The following TENM1 variants were observed in gnomAD, a reference collection of about 807,000 sequenced individuals.
The protein encoded by TENM1 is teneurin-1.
In TENM1, 35 loss-of-function variants were observed where a neutral mutation model predicts 174.8. The observed-to-expected ratio is 0.20, with a 90% CI of 0.15 to 0.27. The LOEUF (loss-of-function observed/expected upper bound fraction) is 0.27, where lower values mean the gene tolerates loss of function less well. TENM1 is among the 10% of genes least tolerant of loss of function. TENM1 has a pLI of 1.00. For missense variants in TENM1, 1,633 were observed against 2,130.1 expected, an observed-to-expected ratio of 0.77 and a Z score of 4.59; for synonymous variants, 781 against 798.7, an observed-to-expected ratio of 0.98 and a Z score of 0.37.
rs1457545693 is a variant in TENM1, at chrX:124,471,399, A to AC, written c.3949+10332_3949+10333insG. On this transcript the variant is annotated intron_variant, in intron 22 of 31. Transcript: ENST00000422452. The stretch of plus-strand genomic sequence containing the variant: ...TATAATATATAGTACTATATATAAT[A>AC]TATATTATAATATATAGTAATATAT... Among the ~76,000 whole-genome samples the AC allele has an allele frequency of 4.0e-3, 113 of 28,099 alleles. 13 individuals are homozygous for AC. The highest frequency in any genetic ancestry group is 0.014 in the African/African-American group (99 of 7,304). The allele number at this position is 28,099 out of a possible 115,157, so 24.4% of individuals were successfully genotyped here.
At chrX:124,890,563 G>C (rs1318433098) in intron 3 of TENM1, among the ~76,000 whole-genome samples, 2 of 111,872 alleles carry the variant, frequency 1.8e-5, no homozygotes, top group Admixed American at 1.9e-4. Context: ...ATGGCCAACA[G>C]GTATATGACA....
chrX:124,838,227 T>C (rs1422885814), intron 3 of TENM1, among the ~76,000 whole-genome samples: 1 of 112,426 alleles, frequency 8.9e-6, no homozygotes, highest in Non-Finnish European at 1.9e-5. Flanking sequence ...TGCCCTGTAA[T>C]CATAGAAATG....
chrX:125,159,930 T>C, the TENM1 span, among the ~76,000 whole-genome samples: 1 of 111,581 alleles, frequency 9.0e-6, no homozygotes. Flanking sequence ...CAGGGCATGG[T>C]GGCTCACGCC....
At chrX:125,167,772 C>T in the TENM1 span, among the ~76,000 whole-genome samples, 1 of 111,034 alleles carries the variant, frequency 9.0e-6, no homozygotes, top group Admixed American at 9.6e-5. Context: ...TTAAAGCAAA[C>T]ATTAAGTGAT....
chrX:124,382,334 C>T lies in TENM1; in HGVS notation c.7440+336G>A, dbSNP rs189419770. On this transcript the variant is annotated intron_variant, in intron 31 of 31. Transcript: ENST00000422452. The stretch of plus-strand genomic sequence containing the variant: ...TTTACAGTTGGAAATCTGATGTTTT[C>T]GTGTCTCTTACCGAACAATTTTCTC... Among the ~76,000 whole-genome samples the T allele has an allele frequency of 9.6e-3, 1,068 of 111,402 alleles. 12 individuals carry two copies. Among genetic ancestry groups the T allele is most frequent in the African/African-American group, 0.032 (972 of 30,654 alleles).
chrX:124,613,976 T>C (rs1171473343), intron 11 of TENM1, among the ~76,000 whole-genome samples: 2 of 111,812 alleles, frequency 1.8e-5, no homozygotes, highest in African/African-American at 6.5e-5. Flanking sequence ...GCCCTAAGCC[T>C]ACTTTCAGGG....
intron 3 of TENM1, among the ~76,000 whole-genome samples, chrX:124,783,075 G>C (rs1463145997): frequency 1.8e-5 from 2 of 111,417 alleles, no homozygotes; most frequent in African/African-American, 6.5e-5. Flanking sequence ...AGAAAAGTTC[G>C]TTCATAAAAA....
At chrX:124,951,295 C>T (rs2058479708) in intron 1 of TENM1, among the ~76,000 whole-genome samples, 1 of 111,092 alleles carries the variant, frequency 9.0e-6, no homozygotes, top group Admixed American at 9.6e-5. Flanking sequence ...TTTAGGTTCT[C>T]TTCATTTCTA....
At chrX:125,151,910 C>T in the TENM1 span, among the ~76,000 whole-genome samples, 150 of 111,512 alleles carry the variant, frequency 1.3e-3, no homozygotes, top group African/African-American at 3.8e-3. Context: ...GTGAATATAT[C>T]GATACTTCAT....
the TENM1 span, among the ~76,000 whole-genome samples, chrX:125,064,820 G>T: frequency 9.0e-6 from 1 of 110,879 alleles, no homozygotes; most frequent in East Asian, 2.8e-4. Context: ...TGTTAGCCAG[G>T]ATGGTCTCGA....
intron 3 of TENM1, among the ~76,000 whole-genome samples, chrX:124,863,179 T>A (rs1361902188): frequency 9.1e-6 from 1 of 110,058 alleles, no homozygotes; most frequent in Non-Finnish European, 1.9e-5. Flanking sequence ...CAGGTGAGAC[T>A]CAGCACATGA....
At chrX:124,447,328 ACT>A (rs1179042752) in intron 23 of TENM1, among the ~76,000 whole-genome samples, 5 of 109,918 alleles carry the variant, frequency 4.5e-5, no homozygotes, top group African/African-American at 1.7e-4. Flanking sequence ...CTCCTGGTAA[ACT>A]CTCTATCAAC....
At chrX:124,766,404 G>T (rs2054539455) in intron 3 of TENM1, among the ~76,000 whole-genome samples, 1 of 111,591 alleles carries the variant, frequency 9.0e-6, no homozygotes, top group Admixed American at 9.6e-5. Flanking sequence ...ATTTAGTAAA[G>T]ATTTTAATTG....
rs900944071 is a variant in TENM1, at chrX:124,755,508, T to C, written c.536-18311A>G. Among the ~76,000 whole-genome samples the C allele has an allele frequency of 2.5e-3, 276 of 111,052 alleles. 1 individual carries two copies. The highest frequency in any genetic ancestry group is 8.8e-3 in the African/African-American group (268 of 30,378). On this transcript the variant is annotated intron_variant, in intron 3 of 31. Coordinates refer to ENST00000422452, the Ensembl canonical transcript of TENM1. ...TTTACATTTAAAGTTAATATTGTTA[T>C]GTGTGAATTTGATCCTGTCATTATG...
the TENM1 span, among the ~76,000 whole-genome samples, chrX:125,160,561 A>AC: frequency 5.7e-5 from 6 of 105,255 alleles, no homozygotes; most frequent in South Asian, 2.5e-3. Context: ...AAAAAAAAAA[A>AC]AAAAAAAACA....
chrX:124,572,933 T>G (rs190526374), intron 11 of TENM1, among the ~76,000 whole-genome samples: 1 of 111,535 alleles, frequency 9.0e-6, no homozygotes, highest in African/African-American at 3.2e-5. Context: ...ATGTCAATTT[T>G]TCTGTACTAG....
intron 3 of TENM1, among the ~76,000 whole-genome samples, chrX:124,815,039 ATGTAAGCATCAGTAGT>A (rs1318550576): frequency 1.8e-5 from 2 of 111,980 alleles, no homozygotes; most frequent in Non-Finnish European, 3.8e-5. Flanking sequence ...CTGAAAGCAA[ATGTAAGCATCAGTAGT>A]AATGCATAAT....
At chrX:125,037,213 C>A in the TENM1 span, among the ~76,000 whole-genome samples, 1 of 110,271 alleles carries the variant, frequency 9.1e-6, no homozygotes, top group African/African-American at 3.3e-5. Context: ...GTTCCAGCAT[C>A]TGGTCTCTGC....
At chrX:124,761,095 T>C (rs2054400396) in intron 3 of TENM1, among the ~76,000 whole-genome samples, 1 of 111,597 alleles carries the variant, frequency 9.0e-6, no homozygotes, top group African/African-American at 3.3e-5. Context: ...TCACTGTTGG[T>C]GGGAGGGTAA....
Sources: allele counts gnomAD v4.1 joint callset (sites outside exome capture counted in the v4.1 genomes callset), GRCh38; gene constraint gnomAD v4.1.1; transcripts MANE v1.5; gene names NCBI Gene and HGNC (gene_info 2026-07-23, HGNC 2026-07-21).